The following ADAMTS19 variants were observed in gnomAD, a reference collection of about 807,000 sequenced individuals.
The protein encoded by ADAMTS19 is ADAM metallopeptidase with thrombospondin type 1 motif 19.
Under a neutral mutation model 153.3 loss-of-function variants are expected in ADAMTS19, and 93 were observed. The observed-to-expected ratio is 0.61, with a 90% CI of 0.51 to 0.72. ADAMTS19 has a LOEUF of 0.72. ADAMTS19 is among the 30% of genes least tolerant of loss of function. The pLI, the probability that ADAMTS19 is intolerant of heterozygous loss-of-function variation, is 0.00. For synonymous variants in ADAMTS19, 600 were observed against 556.6 expected (o/e 1.08, Z -1.10); for missense variants, 1,482 against 1,552.1 (o/e 0.95, Z 0.76).
At chr5:129,695,007 A>C in intron 19 of ADAMTS19, 152 bp downstream of exon 19, 1 of 1,050,434 alleles carries the variant, frequency 9.5e-7, no homozygotes, top group Non-Finnish European at 1.3e-6. Context: ...AGCAAGATCT[A>C]AGAAAGCAAG....
At chr5:129,513,995 A>C (rs940787226) in intron 3 of ADAMTS19, among the ~76,000 whole-genome samples, 8 of 151,960 alleles carry the variant, frequency 5.3e-5, no homozygotes, top group African/African-American at 1.9e-4. Flanking sequence ...CCATGAGTTC[A>C]ATAGTTTTGA....
At chr5:129,598,046 C>T (rs935228751) in intron 8 of ADAMTS19, among the ~76,000 whole-genome samples, 6 of 152,118 alleles carry the variant, frequency 3.9e-5, no homozygotes, top group African/African-American at 1.4e-4. Flanking sequence ...TAGTGAGGCC[C>T]TACTAGGGAG....
chr5:129,517,884 A>G (rs1265613715), intron 3 of ADAMTS19, among the ~76,000 whole-genome samples: 1 of 151,596 alleles, frequency 6.6e-6, no homozygotes, highest in Non-Finnish European at 1.5e-5. Context: ...TTCTTCCTGT[A>G]TTCCTCTAGC....
chr5:129,558,546 A>G (rs746176520), intron 7 of ADAMTS19, among the ~76,000 whole-genome samples: 3 of 152,126 alleles, frequency 2.0e-5, no homozygotes, highest in African/African-American at 4.8e-5. Flanking sequence ...GGTCTGAAAG[A>G]CTAAGTATGA....
intron 7 of ADAMTS19, among the ~76,000 whole-genome samples, chr5:129,567,586 G>A (rs1287920785): frequency 2.0e-5 from 3 of 152,042 alleles, no homozygotes; most frequent in African/African-American, 4.8e-5. Flanking sequence ...GCTGAATAGC[G>A]GCATGGAGCT....
At chr5:129,649,239 C>T (rs1753206680) in intron 13 of ADAMTS19, among the ~76,000 whole-genome samples, 1 of 152,194 alleles carries the variant, frequency 6.6e-6, no homozygotes, top group Non-Finnish European at 1.5e-5. Flanking sequence ...GAAACTGGAT[C>T]TCTCAGGCAT....
At chr5:129,613,045 T>G (rs936833385) in intron 8 of ADAMTS19, among the ~76,000 whole-genome samples, 28 of 152,062 alleles carry the variant, frequency 1.8e-4, no homozygotes, top group African/African-American at 6.5e-4. Context: ...AACAAGTCCT[T>G]AGAGACCTAC....
chr5:129,468,956 T>C (rs1749969633), intron 2 of ADAMTS19, among the ~76,000 whole-genome samples: 1 of 151,996 alleles, frequency 6.6e-6, no homozygotes, highest in Non-Finnish European at 1.5e-5. Flanking sequence ...TTTGTGTTTT[T>C]AGTAGAGGTG....
At chr5:129,548,287 G>T (rs1170807075) in intron 6 of ADAMTS19, among the ~76,000 whole-genome samples, 2 of 148,116 alleles carry the variant, frequency 1.4e-5, no homozygotes, top group Non-Finnish European at 3.0e-5. Context: ...CTGACAAAGG[G>T]CTAATATCCA....
chr5:129,559,110 A>C (rs1046384846), intron 7 of ADAMTS19, among the ~76,000 whole-genome samples: 41 of 152,202 alleles, frequency 2.7e-4, no homozygotes, highest in African/African-American at 9.9e-4. Flanking sequence ...ATTTCAAGAC[A>C]TACCATTACT....
intron 17 of ADAMTS19, among the ~76,000 whole-genome samples, chr5:129,682,036 CT>C (rs1285774891): frequency 2.0e-5 from 3 of 152,080 alleles, no homozygotes; most frequent in Non-Finnish European, 2.9e-5. Flanking sequence ...ACCAAGGCTT[CT>C]TTACTAAGCT....
intron 7 of ADAMTS19, among the ~76,000 whole-genome samples, chr5:129,582,499 A>C (rs1370021385): frequency 6.6e-6 from 1 of 151,732 alleles, no homozygotes; most frequent in Non-Finnish European, 1.5e-5. Flanking sequence ...TGCATGTGAG[A>C]AGGGTCTCAT....
At chr5:129,579,939 G>A (rs893004862) in intron 7 of ADAMTS19, among the ~76,000 whole-genome samples, 1 of 152,040 alleles carries the variant, frequency 6.6e-6, no homozygotes, top group Non-Finnish European at 1.5e-5. Flanking sequence ...GGCTCCATAT[G>A]AAATTCAAAG....
chr5:129,734,936 C>T lies in ADAMTS19; in HGVS notation c.3317C>T (p.Ser1106Leu). 6.4e-7 allele frequency: 1 copy of T among 1,570,030 alleles called. No individual in the cohort carries two copies. Among genetic ancestry groups the T allele is most frequent in the Non-Finnish European group, 8.6e-7 (1 of 1,161,252 alleles). The change falls in exon 22 of 23, where the codon TCA (serine) becomes TTA (leucine). Residue 1106 changes from serine to leucine, a missense_variant. Ser to Leu is a moderately radical substitution (Grantham distance 145, BLOSUM62 -2). Coordinates refer to ENST00000274487, the MANE Select transcript of ADAMTS19 (RefSeq NM_133638.6). ...VWRMGDWSKC[S>L]ITCGKGMQSR... ...CAAACCTTGTATTTCTCCTAGTGCTCAATTACCTGTGGCAAAGGAATGCAG... is the reference window on the plus strand; with the variant it reads ...CAAACCTTGTATTTCTCCTAGTGCTTAATTACCTGTGGCAAAGGAATGCAG...
chr5:129,535,829 T>A (rs950879896), intron 6 of ADAMTS19, among the ~76,000 whole-genome samples: 1 of 152,156 alleles, frequency 6.6e-6, no homozygotes, highest in Admixed American at 6.6e-5. Flanking sequence ...CCCTATTTAA[T>A]AAATGGTGCT....
chr5:129,470,946 C>A (rs900571978), intron 2 of ADAMTS19, among the ~76,000 whole-genome samples: 2 of 152,038 alleles, frequency 1.3e-5, no homozygotes, highest in South Asian at 2.1e-4. Context: ...AGTCTACTAG[C>A]CTCAGCCTGG....
At chr5:129,511,255 T>C (rs1251352438) in intron 3 of ADAMTS19, among the ~76,000 whole-genome samples, 1 of 151,882 alleles carries the variant, frequency 6.6e-6, no homozygotes, top group Non-Finnish European at 1.5e-5. Context: ...TAGATTATGT[T>C]TATATGTATT....
At chr5:129,666,814 C>T (rs1754073083) in intron 16 of ADAMTS19, among the ~76,000 whole-genome samples, 1 of 152,148 alleles carries the variant, frequency 6.6e-6, no homozygotes. Flanking sequence ...TCAATACATT[C>T]ATTCAATAGC....
intron 2 of ADAMTS19, among the ~76,000 whole-genome samples, chr5:129,489,280 G>A (rs1031411501): frequency 1.3e-5 from 2 of 151,986 alleles, no homozygotes; most frequent in African/African-American, 2.4e-5. Flanking sequence ...TTTTCAGATA[G>A]CAGTGATCAA....
Sources: gnomAD v4.1 joint callset for allele counts (sites outside exome capture counted in the v4.1 genomes callset) on GRCh38, gnomAD v4.1.1 for gene constraint, MANE v1.5 for transcripts, NCBI Gene and HGNC (gene_info 2026-07-23, HGNC 2026-07-21) for gene names.